The following UVRAG variants were observed in gnomAD, a reference collection of about 807,000 sequenced individuals.
UVRAG encodes UV radiation resistance associated, also known as UV radiation resistance-associated gene protein.
UVRAG carries 19 observed loss-of-function variants against 78.0 expected under a neutral mutation model. The observed-to-expected ratio is 0.24, with a 90% CI of 0.17 to 0.36. The LOEUF (loss-of-function observed/expected upper bound fraction) is 0.36, where lower values mean the gene tolerates loss of function less well. UVRAG is among the 10% of genes least tolerant of loss of function. UVRAG has a pLI of 1.00. For synonymous variants in UVRAG, 323 were observed against 324.6 expected (o/e 1.00, Z 0.05); for missense variants, 740 against 853.8 (o/e 0.87, Z 1.66).
intron 12 of UVRAG, among the ~76,000 whole-genome samples, chr11:76,039,552 A>G (rs1950602399): frequency 6.6e-6 from 1 of 152,224 alleles, no homozygotes; most frequent in East Asian, 1.9e-4. Context: ...GAAAATGAAT[A>G]CAATACAAGC....
intron 12 of UVRAG, among the ~76,000 whole-genome samples, chr11:76,022,820 A>C (rs1344732650): frequency 2.6e-5 from 4 of 152,026 alleles, no homozygotes; most frequent in Non-Finnish European, 5.9e-5. Flanking sequence ...TGTATGTCTT[A>C]TGCTTTTTTT....
Position 75,878,064 on chromosome 11 carries a change from C to T in UVRAG, c.271-1815C>T, listed in dbSNP as rs377063110. On this transcript the variant is annotated intron_variant, in intron 3 of 14. Coordinates refer to ENST00000356136, the MANE Select transcript of UVRAG (RefSeq NM_003369.4). ...CGGAGGGGCTCCTCACTTCTCCAGA[C>T]GGGGCGGCTGCCGGGCGGAGGGGCT... Among the ~76,000 whole-genome samples the T allele has an allele frequency of 5.2e-5, 7 of 133,374 alleles. No homozygotes were observed. In the East Asian group the frequency reaches 1.3e-3, roughly 24 times the overall value. The allele number at this position is 133,374 out of a possible 152,430, so 87.5% of individuals were successfully genotyped here.
chr11:75,821,558 T>C (rs371828766), intron 1 of UVRAG, among the ~76,000 whole-genome samples: 1 of 152,210 alleles, frequency 6.6e-6, no homozygotes, highest in South Asian at 2.1e-4. Context: ...GGTCTCAAAC[T>C]CTTGGGCTCA....
intron 6 of UVRAG, among the ~76,000 whole-genome samples, chr11:75,922,203 A>G (rs1212591802): frequency 6.6e-6 from 1 of 152,008 alleles, no homozygotes; most frequent in African/African-American, 2.4e-5. Context: ...TCATTTGTTT[A>G]TATTTTATTT....
At chr11:76,047,504 C>T (rs984385811) in intron 12 of UVRAG, among the ~76,000 whole-genome samples, 5 of 152,120 alleles carry the variant, frequency 3.3e-5, no homozygotes, top group African/African-American at 1.2e-4. Flanking sequence ...GTGGTTCTCT[C>T]CCCACTGGCA....
At chr11:76,072,281 T>C (rs1012474974) in intron 13 of UVRAG, among the ~76,000 whole-genome samples, 47 of 152,288 alleles carry the variant, frequency 3.1e-4, no homozygotes, top group African/African-American at 1.1e-3. Context: ...AATTTCTGAA[T>C]AGAAGAAGTC....
intron 13 of UVRAG, among the ~76,000 whole-genome samples, chr11:76,108,848 A>G (rs940000812): frequency 5.3e-5 from 8 of 152,130 alleles, no homozygotes; most frequent in Non-Finnish European, 1.2e-4. Flanking sequence ...ACCACTGAAC[A>G]TTGTTTCTCC....
At chr11:76,021,572 C>A (rs1479444620) in intron 12 of UVRAG, among the ~76,000 whole-genome samples, 1 of 151,836 alleles carries the variant, frequency 6.6e-6, no homozygotes, top group Admixed American at 6.6e-5. Context: ...GTTTTATTTT[C>A]TTTTTTCTCT....
chr11:76,025,802 G>A (rs994771071), intron 12 of UVRAG, among the ~76,000 whole-genome samples: 6 of 152,096 alleles, frequency 3.9e-5, no homozygotes, highest in African/African-American at 1.4e-4. Flanking sequence ...CATTAGAGTG[G>A]AATGGTCTAA....
At chr11:75,985,743 G>A (rs573560878) in intron 8 of UVRAG, among the ~76,000 whole-genome samples, 4 of 151,454 alleles carry the variant, frequency 2.6e-5, no homozygotes, top group East Asian at 1.9e-4. Context: ...ATTTTTTTTC[G>A]TATTGATAGT....
chr11:75,877,715 G>C (rs1009468888), intron 3 of UVRAG, among the ~76,000 whole-genome samples: 7 of 141,756 alleles, frequency 4.9e-5, no homozygotes, highest in Non-Finnish European at 1.1e-4. Context: ...TCCTGGACGG[G>C]GCGGCTGGCC....
intron 3 of UVRAG, among the ~76,000 whole-genome samples, chr11:75,862,856 G>A (rs1946453077): frequency 6.6e-6 from 1 of 152,138 alleles, no homozygotes; most frequent in Non-Finnish European, 1.5e-5. Flanking sequence ...TGCCAATCTC[G>A]CTGCTCCTGT....
intron 12 of UVRAG, among the ~76,000 whole-genome samples, chr11:76,056,559 C>A (rs183113703): frequency 6.6e-6 from 1 of 151,912 alleles, no homozygotes; most frequent in Non-Finnish European, 1.5e-5. Flanking sequence ...CATTTTTTTC[C>A]TTGTTGTATA....
intron 2 of UVRAG, among the ~76,000 whole-genome samples, chr11:75,856,303 C>T (rs1240589605): frequency 6.6e-6 from 1 of 152,106 alleles, no homozygotes; most frequent in Non-Finnish European, 1.5e-5. Context: ...GTGCCCGGCC[C>T]TTAAGTTTGT....
intron 7 of UVRAG, 41 bp from the exon 8 acceptor site, chr11:75,983,346 C>G: frequency 6.7e-7 from 1 of 1,495,788 alleles, no homozygotes. Flanking sequence ...ATAGTCATGA[C>G]ATTTATATTC....
rs146170391 is a variant in UVRAG, at chr11:75,937,041, C to T, written c.594-24403C>T. On this transcript the variant is annotated intron_variant, in intron 6 of 14. Transcript: ENST00000356136. ...GAGTAGCTGACAGGCCACCAAGCTC[C>T]AGTTAATTAACTTTTAAAGCAATTT... is the stretch of plus-strand genomic sequence containing the variant. Among the ~76,000 whole-genome samples, 81 of 152,296 alleles carry T rather than the reference C, an allele frequency of 5.3e-4. 2 individuals carry two copies. In the East Asian group the frequency reaches 0.012, roughly 23 times the overall value.
intron 8 of UVRAG, among the ~76,000 whole-genome samples, chr11:75,998,390 TAAAC>T (rs1398086297): frequency 1.7e-4 from 26 of 152,022 alleles, no homozygotes; most frequent in South Asian, 2.1e-4. Context: ...TGACCCAAAA[TAAAC>T]AGACAATACA....
At chr11:76,112,929 T>C (rs187184601) in intron 13 of UVRAG, among the ~76,000 whole-genome samples, 12 of 152,138 alleles carry the variant, frequency 7.9e-5, no homozygotes, top group Middle Eastern at 3.4e-3. Flanking sequence ...TGTTTCACCA[T>C]GTTGCCCAGA....
In UVRAG at chr11:75,925,444, T is replaced by A. The variant is rs572524185; in HGVS notation, c.593+13405T>A. ...GAGAATCTGAGACTCAGCATGTTTATCTATTGAGAGTGGACTTTGTAATAA... is the reference window on the plus strand; with the variant it reads ...GAGAATCTGAGACTCAGCATGTTTAACTATTGAGAGTGGACTTTGTAATAA... On this transcript the variant is annotated intron_variant, in intron 6 of 14. Coordinates refer to ENST00000356136, the MANE Select transcript of UVRAG (RefSeq NM_003369.4). Among the ~76,000 whole-genome samples the A allele has an allele frequency of 2.6e-5, 4 of 152,350 alleles. No individual in the cohort carries two copies. In the South Asian group the frequency reaches 8.3e-4, roughly 32 times the overall value.
Sources: allele counts gnomAD v4.1 joint callset (sites outside exome capture counted in the v4.1 genomes callset), GRCh38; gene constraint gnomAD v4.1.1; transcripts MANE v1.5; gene names NCBI Gene and HGNC (gene_info 2026-07-23, HGNC 2026-07-21).